Variants in CIPC observed in about 807,000 individuals in gnomAD.
The protein encoded by CIPC is CLOCK interacting pacemaker.
A neutral mutation model predicts 26.7 loss-of-function variants in CIPC; 12 were observed. The ratio of observed to expected loss-of-function variants is 0.45; its 90% CI spans 0.29 to 0.73. The LOEUF is 0.73. CIPC is among the 30% of genes least tolerant of loss of function. CIPC has a pLI of 0.12. For missense variants in CIPC, 417 were observed against 486.5 expected (o/e 0.86, Z 1.34); for synonymous variants, 170 against 189.8 (o/e 0.90, Z 0.86).
intron 1 of CIPC, 128 bp from the exon 2 acceptor site, chr14:77,105,529 T>C: frequency 1.8e-6 from 1 of 568,970 alleles, no homozygotes; most frequent in Non-Finnish European, 3.0e-6. Context: ...CTTTTGTCAG[T>C]TGAAACCTCT....
Position 77,116,130 on chromosome 14 carries a change from T to C in CIPC, c.*1812T>C, listed in dbSNP as rs185702755. 1 of 152,262 alleles carries C rather than the reference T, an allele frequency of 6.6e-6. No individual in the cohort carries two copies. The highest frequency in any genetic ancestry group is 1.9e-4 in the East Asian group (1 of 5,206). 9.4% of individuals were successfully genotyped at this position (152,262 alleles called of 1,614,324 possible). A position where few individuals can be genotyped will look rare whatever the true frequency, so the allele number is the denominator to read the frequency against. ...TTTGTTCACAAACGTGTGATTTAGA[T>C]ATGACTGATGTAGAAGTGAACAACT... On this transcript the variant is annotated 3_prime_UTR_variant, in exon 4 of 4. Coordinates refer to ENST00000361786, the MANE Select transcript of CIPC (RefSeq NM_033426.3).
At chr14:77,106,707 A>G (rs1034003561) in intron 2 of CIPC, among the ~76,000 whole-genome samples, 1 of 152,222 alleles carries the variant, frequency 6.6e-6, no homozygotes, top group African/African-American at 2.4e-5. Flanking sequence ...ATAGTGAGAA[A>G]TGCAGCTGTT....
At chr14:77,112,502 G>A (rs1886724033) in intron 3 of CIPC, among the ~76,000 whole-genome samples, 1 of 152,046 alleles carries the variant, frequency 6.6e-6, no homozygotes, top group South Asian at 2.1e-4. Flanking sequence ...GTTTATGAAG[G>A]GAAATGGTAA....
chr14:77,112,249 T>C (rs1237287363), intron 3 of CIPC, among the ~76,000 whole-genome samples: 2 of 152,356 alleles, frequency 1.3e-5, no homozygotes, highest in Non-Finnish European at 2.9e-5. Context: ...GGGGACCAGG[T>C]TGGAACTGGA....
rs538788899 is a variant in CIPC at position 77,112,481 on chromosome 14, C to T, written c.307-944C>T. ...AACAAGTTTTTTCGACTTTCTAAGC[C>T]TCAGTTCCCTGTTTATGAAGGGAAA... is the stretch of plus-strand genomic sequence containing the variant. On this transcript the variant is annotated intron_variant, in intron 3 of 3. Coordinates refer to ENST00000361786, the MANE Select transcript of CIPC (RefSeq NM_033426.3). 3.5e-4 allele frequency among the ~76,000 whole-genome samples: 53 copies of T among 152,270 alleles called. 2 individuals are homozygous for T. The South Asian group carries it at 1.0e-2, about 29-fold the overall frequency.
chr14:77,098,635 G>C (rs204979), intron 1 of CIPC: 41,886 of 152,530 alleles, frequency 0.27, 5,845 homozygotes, highest in Admixed American at 0.33. Context: ...GTGGGCCCTG[G>C]TCTAGCCCTG....
In CIPC at chr14:77,105,804, G is replaced by C; in HGVS notation, c.96G>C (p.Gly32=). The part of the protein sequence containing the change: ...TEMKKVARQL[G]MAAAESDKDS... ...TGAAGAAAGTGGCTCGTCAGCTTGG[G>C]ATGGCTGCTGCTGAGTCAGACAAGG... Residue 32 remains glycine, a synonymous_variant, in exon 2 of 4, where the codon GGG becomes GGC. Coordinates refer to ENST00000361786, the MANE Select transcript of CIPC (RefSeq NM_033426.3). 6.2e-7 allele frequency: 1 copy of C among 1,614,174 alleles called. No homozygotes were observed. The highest frequency in any genetic ancestry group is 8.5e-7 in the Non-Finnish European group (1 of 1,180,016).
intron 3 of CIPC, among the ~76,000 whole-genome samples, chr14:77,110,836 A>AG (rs2140033637): frequency 6.6e-6 from 1 of 152,348 alleles, no homozygotes; most frequent in South Asian, 2.1e-4. Context: ...ATCTGGCTTG[A>AG]GTAGTTGACT....
chr14:77,112,753 C>G (rs776093246), intron 3 of CIPC, among the ~76,000 whole-genome samples: 60 of 151,730 alleles, frequency 4.0e-4, no homozygotes, highest in Middle Eastern at 6.8e-3. Context: ...CTCTGTCACT[C>G]AGGCTGGAGT....
Position 77,109,829 on chromosome 14 carries a change from C to CT in CIPC, c.155dup (p.Ser53GlufsTer67). 6.2e-7 allele frequency: 1 copy of CT among 1,613,462 alleles called. No individual in the cohort carries two copies. The highest frequency in any genetic ancestry group is 8.5e-7 in the Non-Finnish European group (1 of 1,179,498). Reference sequence around the variant, plus strand: ...CCCACCAGATGGGAGCTCGGAATGTCTGAGCTCTGCAGAGCAGATGGAGTC... The same window carrying CT: ...CCCACCAGATGGGAGCTCGGAATGTCTTGAGCTCTGCAGAGCAGATGGAGTC... On this transcript the variant is annotated frameshift_variant, in exon 3 of 4. Coordinates refer to ENST00000361786, the MANE Select transcript of CIPC (RefSeq NM_033426.3). LOFTEE classifies it high-confidence loss of function.
chr14:77,099,846 T>A (rs1886442262), intron 1 of CIPC: 1 of 151,922 alleles, frequency 6.6e-6, no homozygotes, highest in South Asian at 2.1e-4. Flanking sequence ...ACGTTTCAAC[T>A]TAGAATAAGG....
In CIPC at chr14:77,116,901, AGCT is replaced by A. The variant is rs1358246929; in HGVS notation, c.*2588_*2590del. On this transcript the variant is annotated 3_prime_UTR_variant, in exon 4 of 4. Transcript: ENST00000361786. ...AATTGGCTATGAAGTACTGTGGCAG[AGCT>A]GCTGTTTTCTGAAGGTGAGAAGCCA... is the stretch of plus-strand genomic sequence containing the variant. 6.6e-6 allele frequency: 1 copy of A among 152,226 alleles called. No individual in the cohort carries two copies. Among genetic ancestry groups the A allele is most frequent in the Non-Finnish European group, 1.5e-5 (1 of 68,044 alleles). 9.4% of individuals were successfully genotyped at this position (152,226 alleles called of 1,614,324 possible).
At chr14:77,111,113 G>T (rs1741108502) in intron 3 of CIPC, among the ~76,000 whole-genome samples, 1 of 152,220 alleles carries the variant, frequency 6.6e-6, no homozygotes, top group South Asian at 2.1e-4. Context: ...AGTGCTGCCA[G>T]TGCTTCTCCT....
At chr14:77,100,240 C>CT (rs57785837) in intron 1 of CIPC, among the ~76,000 whole-genome samples, 31,950 of 129,318 alleles carry the variant, frequency 0.25, 4,195 homozygotes, top group Admixed American at 0.3. Flanking sequence ...TTCTTTCTTT[C>CT]TTTTTTTTTT....
intron 1 of CIPC, among the ~76,000 whole-genome samples, chr14:77,101,218 T>C (rs1055346851): frequency 1.3e-5 from 2 of 152,060 alleles, no homozygotes; most frequent in African/African-American, 4.8e-5. Context: ...CCTTGCAAAT[T>C]TTGGGGTTGA....
At chr14:77,110,715 A>T (rs1447965056) in intron 3 of CIPC, among the ~76,000 whole-genome samples, 1 of 152,202 alleles carries the variant, frequency 6.6e-6, no homozygotes, top group East Asian at 1.9e-4. Flanking sequence ...TGAGAATAGA[A>T]AAGATTGATT....
chr14:77,109,539 G>A (rs151247366), intron 2 of CIPC, among the ~76,000 whole-genome samples: 6 of 152,288 alleles, frequency 3.9e-5, no homozygotes, highest in East Asian at 3.9e-4. Flanking sequence ...TTTCATGTGA[G>A]CCCTAATTGA....
intron 1 of CIPC, among the ~76,000 whole-genome samples, chr14:77,102,464 T>G (rs923575120): frequency 2.6e-5 from 4 of 152,228 alleles, no homozygotes; most frequent in Non-Finnish European, 5.9e-5. Flanking sequence ...TGTCAGTGTT[T>G]CAGTATTTTG....
chr14:77,113,254 G>A, intron 3 of CIPC, 171 bp from the exon 4 acceptor site: 1 of 723,960 alleles, frequency 1.4e-6, no homozygotes, highest in Non-Finnish European at 2.4e-6. Flanking sequence ...AGTTTAAAAA[G>A]TATTTGTGAT....
Sources: allele counts gnomAD v4.1 joint callset (sites outside exome capture counted in the v4.1 genomes callset), GRCh38; gene constraint gnomAD v4.1.1; transcripts MANE v1.5; gene names NCBI Gene and HGNC (gene_info 2026-07-23, HGNC 2026-07-21).